The following BCL9 variants were observed in gnomAD, a reference collection of about 807,000 sequenced individuals.
BCL9 encodes the protein BCL9 transcription coactivator, also known as B-cell CLL/lymphoma 9 protein.
BCL9 carries 25 observed loss-of-function variants against 88.5 expected under a neutral mutation model. The ratio of observed to expected loss-of-function variants is 0.28; its 90% CI spans 0.21 to 0.39. The LOEUF is 0.39. Ranked by LOEUF, BCL9 falls within the 10% of genes least tolerant of loss-of-function variation. The pLI is 1.00. For missense variants in BCL9, 1,817 were observed against 1,877.8 expected (o/e 0.97, Z 0.60); for synonymous variants, 711 against 673.3 (o/e 1.06, Z -0.87).
intron 5 of BCL9, among the ~76,000 whole-genome samples, chr1:147,614,087 G>A (rs1658144408): frequency 6.6e-6 from 1 of 152,174 alleles, no homozygotes; most frequent in Non-Finnish European, 1.5e-5. Context: ...GACAGTTACA[G>A]TAAAATATGA....
intron 1 of BCL9, among the ~76,000 whole-genome samples, chr1:147,587,020 C>G (rs1656635153): frequency 4.3e-5 from 1 of 23,332 alleles, no homozygotes; most frequent in Admixed American, 3.9e-4. Flanking sequence ...CGTTTTCTCT[C>G]TCTTTCTCTC....
chr1:147,604,667 G>A (rs1657569799), intron 1 of BCL9, 110 bp from the exon 2 acceptor site: 1 of 152,130 alleles, frequency 6.6e-6, no homozygotes, highest in Non-Finnish European at 1.5e-5. Flanking sequence ...TTTTCTTACT[G>A]TTTCTTCTTC....
At chr1:147,569,575 G>A (rs782669734) in intron 1 of BCL9, among the ~76,000 whole-genome samples, 2 of 151,950 alleles carry the variant, frequency 1.3e-5, no homozygotes, top group Admixed American at 6.6e-5. Flanking sequence ...GCTTGAACCC[G>A]GGAGACAGAG....
chr1:147,588,305 T>C (rs587760710), intron 1 of BCL9, among the ~76,000 whole-genome samples: 1 of 152,322 alleles, frequency 6.6e-6, no homozygotes, highest in Non-Finnish European at 1.5e-5. Context: ...ACCCTCAATA[T>C]GATGTGGGTG....
intron 2 of BCL9, among the ~76,000 whole-genome samples, chr1:147,606,135 C>T (rs973814261): frequency 1.3e-5 from 2 of 152,178 alleles, no homozygotes; most frequent in African/African-American, 4.8e-5. Flanking sequence ...TTCTAGTTTA[C>T]AAGGACTAAT....
At chr1:147,591,239 T>C (rs1340996504) in intron 1 of BCL9, among the ~76,000 whole-genome samples, 1 of 152,176 alleles carries the variant, frequency 6.6e-6, no homozygotes, top group Non-Finnish European at 1.5e-5. Flanking sequence ...AAAAAATAAC[T>C]CAGTGTATTC....
chr1:147,621,119 T>TA lies in BCL9; in HGVS notation c.2902+63dup, dbSNP rs1658616490. 3 of 1,482,684 alleles carry TA rather than the reference T, an allele frequency of 2.0e-6. No individual in the cohort carries two copies. The South Asian group carries it at 3.9e-5, about 19-fold the overall frequency. 91.8% of individuals were successfully genotyped at this position (1,482,684 alleles called of 1,614,324 possible). On this transcript the variant is annotated intron_variant, in intron 8 of 9. Coordinates refer to ENST00000234739, the MANE Select transcript of BCL9 (RefSeq NM_004326.4). ...GCTGGAGACTGCTAGACCTGATAGT[T>TA]ACTTTAAGAAAACTGGTGTCTTGAG...
intron 3 of BCL9, among the ~76,000 whole-genome samples, chr1:147,608,266 G>C (rs782710111): frequency 6.7e-6 from 1 of 150,168 alleles, no homozygotes; most frequent in Non-Finnish European, 1.5e-5. Flanking sequence ...CCTGTGTCTC[G>C]TCAACTCTGT....
chr1:147,554,503 C>T (rs1182651628), intron 1 of BCL9, among the ~76,000 whole-genome samples: 2 of 152,208 alleles, frequency 1.3e-5, no homozygotes, highest in Non-Finnish European at 2.9e-5. Context: ...CCTTGATAAT[C>T]TCCAATCCTC....
chr1:147,599,516 A>G (rs11240092), intron 1 of BCL9, among the ~76,000 whole-genome samples: 52,180 of 150,982 alleles, frequency 0.35, 15,387 homozygotes, highest in African/African-American at 0.8. Flanking sequence ...TGCTCCCAGG[A>G]CTGCGCGAGG....
At position 147,541,528 on chromosome 1, in the gene BCL9, A is replaced by G. The variant is rs979190197; in HGVS notation, c.-624A>G. ...ACCAGAGCAGACAATAGGCCCCTAA[A>G]GTGTTCCCCCTAAGTTGCTTTGATG... On this transcript the variant is annotated 5_prime_UTR_variant, in exon 1 of 10. Transcript: ENST00000234739. The G allele has an allele frequency of 6.6e-6, 1 of 152,258 alleles. No individual in the cohort carries two copies. Among genetic ancestry groups the G allele is most frequent in the East Asian group, 1.9e-4 (1 of 5,178 alleles). The allele number at this position is 152,258 out of a possible 1,614,324, so 9.4% of individuals were successfully genotyped here. A position where few individuals can be genotyped will look rare whatever the true frequency, so the allele number is the denominator to read the frequency against.
In BCL9 at chr1:147,623,347, CA is replaced by C. The variant is rs1658748756; in HGVS notation, c.3164-494del. Among the ~76,000 whole-genome samples the C allele has an allele frequency of 2.6e-5, 4 of 152,136 alleles. No individual in the cohort carries two copies. The South Asian group carries it at 8.3e-4, about 32-fold the overall frequency. On this transcript the variant is annotated intron_variant, in intron 9 of 9. Transcript: ENST00000234739. ...TTTCTATTAAAAGTTATTTCTTGAA[CA>C]TTTCGTGGAATCTCGAGTTTTAAAT...
At chr1:147,564,481 G>C (rs1424583569) in intron 1 of BCL9, among the ~76,000 whole-genome samples, 1 of 152,072 alleles carries the variant, frequency 6.6e-6, no homozygotes, top group Non-Finnish European at 1.5e-5. Flanking sequence ...TGAAGTGATT[G>C]GTTCAAATTA....
At chr1:147,577,772 T>G (rs1233443219) in intron 1 of BCL9, among the ~76,000 whole-genome samples, 2 of 152,018 alleles carry the variant, frequency 1.3e-5, no homozygotes, top group Non-Finnish European at 2.9e-5. Flanking sequence ...CCCTTCTGTC[T>G]TTGCCATTCT....
chr1:147,614,275 G>A (rs1658153198), intron 5 of BCL9, 152 bp from the exon 6 acceptor site: 1 of 711,736 alleles, frequency 1.4e-6, no homozygotes. Flanking sequence ...AGAGAGAAGA[G>A]TATTTGAAAT....
chr1:147,589,595 T>A (rs1553199682), intron 1 of BCL9, among the ~76,000 whole-genome samples: 3 of 152,246 alleles, frequency 2.0e-5, no homozygotes, highest in African/African-American at 7.2e-5. Flanking sequence ...CTTTTGCATC[T>A]GGCTTCTTTC....
rs781911464 is a variant in BCL9 at position 147,614,488 on chromosome 1, C to A, written c.432C>A (p.Thr144=). The A allele has an allele frequency of 1.2e-6, 2 of 1,613,910 alleles. No homozygotes were observed. The highest frequency in any genetic ancestry group is 2.2e-5 in the South Asian group (2 of 91,082). ...QDSQHTPHSM[T]PSNATAPRSS... is the part of the protein sequence containing the mutation. ...CCCAGCACACACCACACTCGATGACCCCATCAAATGCTACAGCCCCCAGGT... is the reference window on the plus strand; with the variant it reads ...CCCAGCACACACCACACTCGATGACACCATCAAATGCTACAGCCCCCAGGT... The change falls in exon 6 of 10, where the codon ACC becomes ACA. Residue 144 remains threonine (T), a synonymous_variant. Coordinates refer to ENST00000234739, the MANE Select transcript of BCL9 (RefSeq NM_004326.4).
At chr1:147,601,343 C>T (rs1282811423) in intron 1 of BCL9, among the ~76,000 whole-genome samples, 1 of 152,148 alleles carries the variant, frequency 6.6e-6, no homozygotes, top group Non-Finnish European at 1.5e-5. Context: ...AGGTAAATCC[C>T]TGGCAGTGAT....
chr1:147,550,344 C>T (rs2101470827), intron 1 of BCL9, among the ~76,000 whole-genome samples: 1 of 151,706 alleles, frequency 6.6e-6, no homozygotes, highest in East Asian at 1.9e-4. Flanking sequence ...TAATATAAGC[C>T]CATTATGGAA....
Sources: allele counts gnomAD v4.1 joint callset (sites outside exome capture counted in the v4.1 genomes callset), GRCh38; gene constraint gnomAD v4.1.1; transcripts MANE v1.5; gene names NCBI Gene and HGNC (gene_info 2026-07-23, HGNC 2026-07-21).